Variants in NLRP5 observed in about 807,000 individuals in gnomAD.
NLRP5 encodes NACHT, LRR and PYD domains-containing protein 5.
In NLRP5, 93 loss-of-function variants were observed where a neutral mutation model predicts 113.1. That is an observed-to-expected ratio of 0.82 (90% CI 0.70 to 0.98). The LOEUF is 0.98. Among genes scored for constraint, NLRP5 ranks in the 50% least tolerant of loss-of-function variants. NLRP5 has a pLI of 0.00. For synonymous variants in NLRP5, 751 were observed against 600.7 expected, an observed-to-expected ratio of 1.25 and a Z score of -3.66; for missense variants, 1,808 against 1,514.3, an observed-to-expected ratio of 1.19 and a Z score of -3.22.
the NLRP5 span, among the ~76,000 whole-genome samples, chr19:55,986,799 C>T: frequency 5.9e-5 from 9 of 152,154 alleles, no homozygotes; most frequent in South Asian, 8.3e-4. Flanking sequence ...TGGACCTGCT[C>T]TTGGTGGTGA....
At position 56,017,895 on chromosome 19, in the gene NLRP5, C is replaced by A. The variant is rs149967096; in HGVS notation, c.566-1447C>A. 3.4e-4 allele frequency among the ~76,000 whole-genome samples: 52 copies of A among 152,306 alleles called. 1 individual carries two copies. Among genetic ancestry groups the A allele is most frequent in the African/African-American group, 1.2e-3 (50 of 41,568 alleles). On this transcript the variant is annotated intron_variant, in intron 4 of 14. Transcript: ENST00000390649. The stretch of plus-strand genomic sequence containing the variant: ...GTCGCGCAATCTTGGCTCACTGCAA[C>A]CTCCACGTCCCAGGTTTAAGCAGTT...
At position 56,028,021 on chromosome 19, in the gene NLRP5, CG is replaced by C; in HGVS notation, c.1789del (p.Val597CysfsTer2). 6.2e-7 allele frequency: 1 copy of C among 1,614,008 alleles called. No individual in the cohort carries two copies. Among genetic ancestry groups the C allele is most frequent in the Non-Finnish European group, 8.5e-7 (1 of 1,179,888 alleles). ...AGGACTTCTGTGCCGCCTTGTACTA[CG>C]TGTTAGAGGGCCTGGAAATCGAGCC... On this transcript the variant is annotated frameshift_variant, in exon 7 of 15. Transcript: ENST00000390649. LOFTEE classifies it high-confidence loss of function.
chr19:55,990,276 A>G, the NLRP5 span, among the ~76,000 whole-genome samples: 1 of 151,538 alleles, frequency 6.6e-6, no homozygotes, highest in East Asian at 2.0e-4. Flanking sequence ...TTTAGTAGAG[A>G]TGCGGTTTCA....
At chr19:56,040,789 C>A (rs199475782) in intron 10 of NLRP5, 133 bp from the exon 11 acceptor site, 15 of 683,440 alleles carry the variant, frequency 2.2e-5, no homozygotes, top group Middle Eastern at 4.1e-4. Flanking sequence ...AGAGAGGATG[C>A]GACTTCACCA....
intron 1 of NLRP5, among the ~76,000 whole-genome samples, chr19:56,001,343 A>AAC (rs1455125029): frequency 6.6e-6 from 1 of 151,326 alleles, no homozygotes; most frequent in Non-Finnish European, 1.5e-5. Flanking sequence ...AAACAAACAA[A>AAC]AAACACCACA....
chr19:55,999,761 T>C lies in NLRP5; in HGVS notation c.36T>C (p.Ala12=). The change falls in exon 1 of 15, where the codon GCT becomes GCC. Residue 12 remains alanine (A), a synonymous_variant. Transcript: ENST00000390649. Reference sequence around the variant, plus strand: ...CAGGAGGACTTGAACTTGGAGCTGCTGCTCTGCTCTCAGCATCACCACGTG... The same window carrying C: ...CAGGAGGACTTGAACTTGGAGCTGCCGCTCTGCTCTCAGCATCACCACGTG... The C allele has an allele frequency of 7.4e-6, 12 of 1,613,594 alleles. No individual in the cohort carries two copies. The highest frequency in any genetic ancestry group is 1.0e-5 in the Non-Finnish European group (12 of 1,179,568).
intron 1 of NLRP5, among the ~76,000 whole-genome samples, chr19:56,000,549 A>G (rs940269858): frequency 6.6e-5 from 10 of 151,520 alleles, no homozygotes; most frequent in Non-Finnish European, 1.3e-4. Context: ...CATTTTTAGT[A>G]GAGATGGGGT....
chr19:56,021,523 T>C (rs1409741708), intron 6 of NLRP5, among the ~76,000 whole-genome samples: 3 of 152,180 alleles, frequency 2.0e-5, no homozygotes, highest in African/African-American at 7.2e-5. Context: ...TAATCTACTT[T>C]GTATCTCTAA....
chr19:56,010,755 AGT>A (rs1982155736), intron 3 of NLRP5, among the ~76,000 whole-genome samples: 23 of 125,990 alleles, frequency 1.8e-4, no homozygotes, highest in Admixed American at 2.5e-4. Flanking sequence ...AAAAAAAAAA[AGT>A]CCCTTGAAAC....
At chr19:55,998,515 T>A (rs1002688467), upstream of NLRP5, among the ~76,000 whole-genome samples, 1 of 151,424 alleles carries the variant, frequency 6.6e-6, no homozygotes, top group African/African-American at 2.4e-5. Context: ...TAGCCGGGCA[T>A]GGTGACAGGT....
At position 56,007,293 on chromosome 19, in the gene NLRP5, G is replaced by A. The variant is rs150505652; in HGVS notation, c.443-1495G>A. Among the ~76,000 whole-genome samples, 118 of 151,122 alleles carry A rather than the reference G, an allele frequency of 7.8e-4. 1 individual carries two copies. The East Asian group carries it at 0.02, about 25-fold the overall frequency. ...GCAGGAGAATCGCTTGAAGCTGGGA[G>A]GCAGAGGTTGCAGTGAGCTGAGATT... On this transcript the variant is annotated intron_variant, in intron 2 of 14. Coordinates refer to ENST00000390649, the MANE Select transcript of NLRP5 (RefSeq NM_153447.4).
chr19:56,043,224 C>T (rs1223628138), intron 11 of NLRP5, among the ~76,000 whole-genome samples: 2 of 152,206 alleles, frequency 1.3e-5, no homozygotes, highest in African/African-American at 4.8e-5. Context: ...TTCCCACCAG[C>T]AGAGTGGATG....
At chr19:56,046,142 T>C (rs571114211) in intron 11 of NLRP5, among the ~76,000 whole-genome samples, 2 of 152,248 alleles carry the variant, frequency 1.3e-5, no homozygotes, top group Non-Finnish European at 2.9e-5. Flanking sequence ...ATGCCAACTT[T>C]GCTGAGAGTT....
intron 6 of NLRP5, among the ~76,000 whole-genome samples, chr19:56,026,239 T>C (rs1340425269): frequency 6.6e-6 from 1 of 151,972 alleles, no homozygotes; most frequent in Non-Finnish European, 1.5e-5. Flanking sequence ...AAAATTCAGA[T>C]TGGCTTCAGC....
chr19:56,053,157 A>G (rs1983992710), intron 12 of NLRP5, among the ~76,000 whole-genome samples: 1 of 152,140 alleles, frequency 6.6e-6, no homozygotes, highest in Non-Finnish European at 1.5e-5. Flanking sequence ...GCACTTTGAG[A>G]GGCCGAGGCA....
intron 2 of NLRP5, among the ~76,000 whole-genome samples, chr19:56,005,210 TAC>T (rs201854651): frequency 0.074 from 10,117 of 135,956 alleles, 464 homozygotes; most frequent in East Asian, 0.21. Context: ...CACATACACA[TAC>T]ACACATATAC....
upstream of NLRP5, among the ~76,000 whole-genome samples, chr19:55,996,686 T>G (rs1045320127): frequency 1.3e-5 from 2 of 152,204 alleles, no homozygotes; most frequent in African/African-American, 4.8e-5. Context: ...TATGGCTGCA[T>G]AGTATTCCAT....
At chr19:56,018,279 C>T (rs574609019) in intron 4 of NLRP5, among the ~76,000 whole-genome samples, 1 of 152,094 alleles carries the variant, frequency 6.6e-6, no homozygotes, top group Non-Finnish European at 1.5e-5. Context: ...AGACAAAGAC[C>T]ACCCTAATGA....
At chr19:56,039,782 C>T (rs961607877) in intron 10 of NLRP5, among the ~76,000 whole-genome samples, 1 of 152,114 alleles carries the variant, frequency 6.6e-6, no homozygotes, top group African/African-American at 2.4e-5. Context: ...TGCATGGTGG[C>T]AGGCGCCTGC....
Sources: allele counts gnomAD v4.1 joint callset (sites outside exome capture counted in the v4.1 genomes callset), GRCh38; gene constraint gnomAD v4.1.1; transcripts MANE v1.5; gene names NCBI Gene and HGNC (gene_info 2026-07-23, HGNC 2026-07-21).